The following LRRC53 variants were observed in gnomAD, a reference collection of about 807,000 sequenced individuals.
LRRC53 encodes the protein leucine rich repeat containing 53, also known as leucine-rich repeat-containing protein 53.
LRRC53 carries 25 observed loss-of-function variants against 13.6 expected under a neutral mutation model. The observed-to-expected ratio is 1.83, with a 90% CI of 1.34 to 2.56. The LOEUF (loss-of-function observed/expected upper bound fraction) is 2.56. Ranked by LOEUF, LRRC53 falls within the 30% of genes most tolerant of loss-of-function variation. The pLI is 0.00. For synonymous variants in LRRC53, 204 were observed against 109.8 expected, an observed-to-expected ratio of 1.86 and a Z score of -5.37; for missense variants, 527 against 275.8, an observed-to-expected ratio of 1.91 and a Z score of -6.45.
At chr1:74,524,889 C>T in the LRRC53 span, among the ~76,000 whole-genome samples, 1 of 152,112 alleles carries the variant, frequency 6.6e-6, no homozygotes, top group South Asian at 2.1e-4. Flanking sequence ...GAGGTAACAT[C>T]ATTAGGATTG....
chr1:74,473,618 G>A (rs1420096757), intron 4 of LRRC53, among the ~76,000 whole-genome samples: 3 of 151,830 alleles, frequency 2.0e-5, no homozygotes, highest in Middle Eastern at 6.8e-3. Context: ...CAGCTCCTAA[G>A]GGTGGGGATA....
At chr1:74,519,947 C>T in the LRRC53 span, among the ~76,000 whole-genome samples, 1 of 152,120 alleles carries the variant, frequency 6.6e-6, no homozygotes, top group Non-Finnish European at 1.5e-5. Context: ...ACAGCTATTT[C>T]TCCTTTGGAT....
the LRRC53 span, among the ~76,000 whole-genome samples, chr1:74,524,503 C>A: frequency 3.3e-5 from 5 of 152,258 alleles, no homozygotes; most frequent in East Asian, 9.6e-4. Flanking sequence ...AAAAATTGCA[C>A]AGGAAAATGC....
At position 74,470,678 on chromosome 1, in the gene LRRC53, C is replaced by A. The variant is rs1667882805; in HGVS notation, c.2944G>T (p.Val982Leu). 1 of 400,574 alleles carries A rather than the reference C, an allele frequency of 2.5e-6. No homozygotes were observed. The highest frequency in any genetic ancestry group is 4.4e-5 in the Admixed American group (1 of 22,730). The allele number at this position is 400,574 out of a possible 1,614,324, so 24.8% of individuals were successfully genotyped here. ...TCCTTATCCATAATACAATTTTCCA[C>A]AATTTGATGTGATATTTGGGGTTTT... ...MTKPQISHQI[V>L]ENCIMDKEEN... Residue 982 changes from valine (V) to leucine (L), a missense_variant, in exon 5 of 5, where the codon GTG (valine) becomes TTG (leucine). By Grantham distance (32) the Val-to-Leu change is conservative. Coordinates refer to ENST00000294635, the MANE Select transcript of LRRC53 (RefSeq NM_001382280.1).
At chr1:74,524,704 G>A in the LRRC53 span, among the ~76,000 whole-genome samples, 289 of 151,334 alleles carry the variant, frequency 1.9e-3, no homozygotes, top group African/African-American at 2.3e-3. Context: ...CTCTTCCCTC[G>A]TGGAGGTTTT....
the LRRC53 span, among the ~76,000 whole-genome samples, chr1:74,526,041 C>T: frequency 1.3e-5 from 2 of 152,252 alleles, no homozygotes; most frequent in East Asian, 1.9e-4. Flanking sequence ...GGTATACATT[C>T]GCTTAAAACA....
chr1:74,509,075 C>T (rs1020014135), intron 1 of LRRC53, among the ~76,000 whole-genome samples: 2 of 152,150 alleles, frequency 1.3e-5, no homozygotes, highest in Non-Finnish European at 2.9e-5. Flanking sequence ...GATCCTTATT[C>T]AGACACTTTC....
At chr1:74,489,205 C>T in intron 1 of LRRC53, 1 of 1,611,268 alleles carries the variant, frequency 6.2e-7, no homozygotes. Flanking sequence ...CCCGAATTTT[C>T]TGAAGTTGTC....
chr1:74,532,305 CTCTG>C, the LRRC53 span, among the ~76,000 whole-genome samples: 4 of 152,134 alleles, frequency 2.6e-5, no homozygotes, highest in Non-Finnish European at 5.9e-5. Flanking sequence ...TCTGATTTTG[CTCTG>C]ATTATAAGGG....
chr1:74,481,585 A>G (rs1304372640), intron 2 of LRRC53, among the ~76,000 whole-genome samples: 1 of 152,198 alleles, frequency 6.6e-6, no homozygotes, highest in Non-Finnish European at 1.5e-5. Context: ...TTCTCATTAT[A>G]GTCTGGGCCA....
chr1:74,512,491 A>T (rs375947096), intron 1 of LRRC53, 35 bp downstream of exon 1: 11 of 152,254 alleles, frequency 7.2e-5, no homozygotes, highest in East Asian at 3.8e-4. Flanking sequence ...TCCAGCCATC[A>T]TAACAAAAAC....
At chr1:74,475,116 CCACACACACA>C (rs3058791) in intron 4 of LRRC53, among the ~76,000 whole-genome samples, 169 bp downstream of exon 4, 43 of 135,992 alleles carry the variant, frequency 3.2e-4, no homozygotes, top group African/African-American at 7.4e-4. Context: ...CCACCTCAGC[CCACACACACA>C]CACACACACA....
At chr1:74,494,001 AG>A (rs1342580156) in intron 1 of LRRC53, among the ~76,000 whole-genome samples, 5 of 152,284 alleles carry the variant, frequency 3.3e-5, no homozygotes, top group Admixed American at 2.0e-4. Flanking sequence ...TACGGTTGTC[AG>A]GGGCCCCTGT....
At chr1:74,496,654 T>C (rs1480679503) in intron 1 of LRRC53, among the ~76,000 whole-genome samples, 1 of 152,164 alleles carries the variant, frequency 6.6e-6, no homozygotes, top group African/African-American at 2.4e-5. Context: ...TGCAAAATTG[T>C]GTCAGAGATT....
At chr1:74,489,181 A>T in intron 1 of LRRC53, 1 of 1,606,574 alleles carries the variant, frequency 6.2e-7, no homozygotes, top group Non-Finnish European at 8.5e-7. Context: ...TCTTTTTTCT[A>T]TTTACAGGGA....
chr1:74,502,986 T>A (rs1286389458), intron 1 of LRRC53, among the ~76,000 whole-genome samples: 1 of 152,250 alleles, frequency 6.6e-6, no homozygotes, highest in Admixed American at 6.5e-5. Flanking sequence ...GTGACACTTG[T>A]GGACTAGCTT....
chr1:74,475,719 A>C lies in LRRC53; in HGVS notation c.996T>G (p.Cys332Trp). The change falls in exon 4 of 5, where the codon TGT becomes TGG. Residue 332 changes from cysteine to tryptophan, a missense_variant. Transcript: ENST00000294635. ...ACAGGGGTTCATCGAAGGTTCTGCA[A>C]CAAAGGTTTTCTGATGTGTGTTCAT... ...KANEHTSENL[C>W]CRTFDEPLCA... 1.4e-6 allele frequency: 1 copy of C among 696,194 alleles called. No homozygotes were observed. The allele number at this position is 696,194 out of a possible 1,614,324, so 43.1% of individuals were successfully genotyped here.
intron 1 of LRRC53, among the ~76,000 whole-genome samples, chr1:74,510,566 A>G (rs1003397811): frequency 6.6e-6 from 1 of 152,236 alleles, no homozygotes; most frequent in African/African-American, 2.4e-5. Flanking sequence ...TTGAATTTTT[A>G]AAAAATTATT....
chr1:74,484,203 C>T (rs1247778446), intron 1 of LRRC53, among the ~76,000 whole-genome samples: 1 of 117,600 alleles, frequency 8.5e-6, no homozygotes, highest in Non-Finnish European at 1.8e-5. Flanking sequence ...AATATCTTCC[C>T]TGGTTGATTA....
Sources: gnomAD v4.1 joint callset for allele counts (sites outside exome capture counted in the v4.1 genomes callset) on GRCh38, gnomAD v4.1.1 for gene constraint, MANE v1.5 for transcripts, NCBI Gene and HGNC (gene_info 2026-07-23, HGNC 2026-07-21) for gene names.